RALGAPA1: variants seen among roughly 807,000 people sequenced by gnomAD.
RALGAPA1 encodes ral GTPase-activating protein subunit alpha-1.
RALGAPA1 carries 52 observed loss-of-function variants against 269.6 expected under a neutral mutation model. That is an observed-to-expected ratio of 0.19 (90% CI 0.15 to 0.24). RALGAPA1 has a LOEUF of 0.24. RALGAPA1 is among the 10% of genes least tolerant of loss of function. RALGAPA1 has a pLI of 1.00. For missense variants in RALGAPA1, 1,917 were observed against 3,013.9 expected (o/e 0.64, Z 8.52); for synonymous variants, 817 against 1,008.3 (o/e 0.81, Z 3.60).
intron 22 of RALGAPA1, 60 bp from the exon 23 acceptor site, chr14:35,674,769 A>C: frequency 1.4e-6 from 1 of 711,340 alleles, no homozygotes; most frequent in Non-Finnish European, 2.3e-6. Context: ...AAAACCCCCC[A>C]AGAAACCAAG....
At chr14:35,709,239 A>G (rs1313324913) in intron 16 of RALGAPA1, among the ~76,000 whole-genome samples, 1 of 152,184 alleles carries the variant, frequency 6.6e-6, no homozygotes, top group African/African-American at 2.4e-5. Context: ...GGATGGTTTG[A>G]AACACAAAGA....
chr14:35,716,677 T>C (rs554931769), intron 16 of RALGAPA1, among the ~76,000 whole-genome samples: 1 of 152,288 alleles, frequency 6.6e-6, no homozygotes, highest in East Asian at 1.9e-4. Flanking sequence ...GGAGTTCATA[T>C]ATTGCATTTG....
At chr14:35,766,650 G>C (rs2074175319) in intron 4 of RALGAPA1, 1 of 703,516 alleles carries the variant, frequency 1.4e-6, no homozygotes, top group African/African-American at 1.8e-5. Flanking sequence ...CAATGATTTT[G>C]TAAGAGGAAG....
At chr14:35,582,984 T>A in intron 37 of RALGAPA1, among the ~76,000 whole-genome samples, 1 of 152,082 alleles carries the variant, frequency 6.6e-6, no homozygotes, top group South Asian at 2.1e-4. Context: ...CCCCCACACC[T>A]TACCACCATA....
At chr14:35,720,247 T>A (rs930648011) in intron 16 of RALGAPA1, among the ~76,000 whole-genome samples, 5 of 152,204 alleles carry the variant, frequency 3.3e-5, no homozygotes, top group African/African-American at 1.2e-4. Context: ...GAATATACAA[T>A]TAATGTAATT....
chr14:35,781,598 CTAT>C (rs2075433892), intron 1 of RALGAPA1, among the ~76,000 whole-genome samples: 1 of 148,632 alleles, frequency 6.7e-6, no homozygotes, highest in African/African-American at 2.6e-5. Context: ...ATCTATCTAT[CTAT>C]CTATCTACAC....
At position 35,674,225 on chromosome 14, in the gene RALGAPA1, T is replaced by C; in HGVS notation, c.4872A>G (p.Pro1624=). The C allele has an allele frequency of 6.2e-7, 1 of 1,612,260 alleles. No homozygotes were observed. The highest frequency in any genetic ancestry group is 1.7e-5 in the Admixed American group (1 of 59,996). ...STDNLTSPSP[P]VLIPPLRILT... Reference sequence around the variant, plus strand: ...GAATTCTCAGTGGAGGAATTAAAACTGGTGGAGAAGGGGAGGTCAGGTTAT... The same window carrying C: ...GAATTCTCAGTGGAGGAATTAAAACCGGTGGAGAAGGGGAGGTCAGGTTAT... Residue 1624 remains proline, a synonymous_variant, in exon 24 of 42, where the codon CCA becomes CCG. Transcript: ENST00000680220.
At chr14:35,589,831 C>T (rs1437715909) in intron 37 of RALGAPA1, among the ~76,000 whole-genome samples, 1 of 152,026 alleles carries the variant, frequency 6.6e-6, no homozygotes, top group African/African-American at 2.4e-5. Context: ...CTCCAAATAG[C>T]TGGGACTACA....
At chr14:35,637,335 T>C (rs532495953) in intron 31 of RALGAPA1, among the ~76,000 whole-genome samples, 1 of 152,162 alleles carries the variant, frequency 6.6e-6, no homozygotes, top group South Asian at 2.1e-4. Context: ...AGAGAAGAAA[T>C]TCAGAATCCT....
chr14:35,598,639 C>T (rs527556475), intron 36 of RALGAPA1, among the ~76,000 whole-genome samples: 9 of 152,116 alleles, frequency 5.9e-5, no homozygotes, highest in Admixed American at 2.0e-4. Flanking sequence ...AGGCTGGTCT[C>T]GAACTCCTGG....
At chr14:35,723,001 A>C in intron 15 of RALGAPA1, 26 bp downstream of exon 15, 5 of 1,430,130 alleles carry the variant, frequency 3.5e-6, no homozygotes, top group African/African-American at 1.4e-5. Context: ...AAATTTATAT[A>C]GAGCATCTCT....
chr14:35,694,309 C>T (rs1444966007), intron 17 of RALGAPA1, among the ~76,000 whole-genome samples: 1 of 152,056 alleles, frequency 6.6e-6, no homozygotes, highest in Non-Finnish European at 1.5e-5. Flanking sequence ...TTCATAATAT[C>T]ATTTAAACTA....
At chr14:35,562,278 TG>T (rs2056324615) in intron 39 of RALGAPA1, among the ~76,000 whole-genome samples, 1 of 152,180 alleles carries the variant, frequency 6.6e-6, no homozygotes, top group Non-Finnish European at 1.5e-5. Flanking sequence ...GCTCTCCTGT[TG>T]CTACCACTTT....
intron 35 of RALGAPA1, among the ~76,000 whole-genome samples, chr14:35,617,803 A>G (rs2060358866): frequency 6.6e-6 from 1 of 152,214 alleles, no homozygotes; most frequent in South Asian, 2.1e-4. Context: ...AGTTAGAAAC[A>G]GAACATAACA....
At chr14:35,623,969 C>G (rs982993900) in intron 35 of RALGAPA1, among the ~76,000 whole-genome samples, 11 of 151,688 alleles carry the variant, frequency 7.3e-5, no homozygotes, top group African/African-American at 2.7e-4. Flanking sequence ...TGCCTGTAGT[C>G]CCAGCTACTC....
chr14:35,734,806 C>T (rs1034744506), intron 12 of RALGAPA1, among the ~76,000 whole-genome samples: 8 of 151,740 alleles, frequency 5.3e-5, no homozygotes, highest in Admixed American at 4.6e-4. Context: ...AGACATCTGA[C>T]AAAGGACTAA....
chr14:35,720,549 T>G (rs187056319), intron 16 of RALGAPA1, among the ~76,000 whole-genome samples: 2 of 152,326 alleles, frequency 1.3e-5, no homozygotes, highest in East Asian at 3.9e-4. Flanking sequence ...AAGCATTGAT[T>G]GTAAACCTTG....
chr14:35,622,656 G>A (rs1260244973), intron 35 of RALGAPA1, among the ~76,000 whole-genome samples: 1 of 152,160 alleles, frequency 6.6e-6, no homozygotes, highest in Admixed American at 6.5e-5. Context: ...CAAATCAATG[G>A]CAAAGGTATA....
At chr14:35,782,192 C>T (rs1351840505) in intron 1 of RALGAPA1, among the ~76,000 whole-genome samples, 1 of 152,042 alleles carries the variant, frequency 6.6e-6, no homozygotes, top group African/African-American at 2.4e-5. Flanking sequence ...AATGAACAAT[C>T]TAAAAGTGAA....
Sources: gnomAD v4.1 joint callset for allele counts (sites outside exome capture counted in the v4.1 genomes callset) on GRCh38, gnomAD v4.1.1 for gene constraint, MANE v1.5 for transcripts, NCBI Gene and HGNC (gene_info 2026-07-23, HGNC 2026-07-21) for gene names.